The following SEMA3G variants were observed in gnomAD, a reference collection of about 807,000 sequenced individuals.
SEMA3G encodes the protein semaphorin-3G.
SEMA3G carries 70 observed loss-of-function variants against 86.2 expected under a neutral mutation model. The observed-to-expected ratio is 0.81, with a 90% confidence interval of 0.67 to 0.99. The LOEUF is 0.99. Among genes scored for constraint, SEMA3G ranks in the 50% least tolerant of loss-of-function variants. The pLI is 0.00. For synonymous variants in SEMA3G, 416 were observed against 441.4 expected (o/e 0.94, Z 0.72); for missense variants, 1,002 against 1,072.4 (o/e 0.93, Z 0.92).
Position 52,439,912 on chromosome 3 carries a change from C to A in SEMA3G, c.1330G>T (p.Val444Leu), listed in dbSNP as rs771940680. Residue 444 changes from valine (V) to leucine (L), a missense_variant, in exon 11 of 16, where the codon GTG becomes TTG. Coordinates refer to ENST00000231721, the MANE Select transcript of SEMA3G (RefSeq NM_020163.3). ...TCGTAGGTCCCATCCTCTGCCTCCA[C>A]GCGGTCCACCACGATCTGGTGTAGC... ...QQLHQIVVDRVEAEDGTYDVI... is the reference protein window; with the variant it reads ...QQLHQIVVDRLEAEDGTYDVI... The A allele has an allele frequency of 6.2e-7, 1 of 1,613,826 alleles. No individual in the cohort carries two copies. The highest frequency in any genetic ancestry group is 8.5e-7 in the Non-Finnish European group (1 of 1,180,006).
rs1397940729 is a variant in SEMA3G at position 52,439,943 on chromosome 3, G to T, written c.1299C>A (p.Ala433=). 1 of 1,613,876 alleles carries T rather than the reference G, an allele frequency of 6.2e-7. No homozygotes were observed. Among genetic ancestry groups the T allele is most frequent in the East Asian group, 2.2e-5 (1 of 44,882 alleles). ...CCACCACGATCTGGTGTAGCTGCTG[G>T]GCCAGGTGGGTCTTGACAAGGACAG... is the stretch of plus-strand genomic sequence containing the variant. The part of the protein sequence containing the change: ...GRPVLVKTHL[A]QQLHQIVVDR... The change falls in exon 11 of 16, where the codon GCC becomes GCA. Residue 433 remains alanine, a synonymous_variant. Transcript: ENST00000231721.
chr3:52,444,508 A>G (rs567170969), intron 1 of SEMA3G, among the ~76,000 whole-genome samples: 86 of 150,710 alleles, frequency 5.7e-4, no homozygotes, highest in African/African-American at 2.0e-3. Context: ...AACATGGCAC[A>G]CGCACACAAA....
In SEMA3G at chr3:52,435,925, G is replaced by A. The variant is rs149805640; in HGVS notation, c.2027C>T (p.Ala676Val). ...AGGGAACAGGTTGTCCAGCTGTGAG[G>A]CCACAATCACCACCAGAGCCAGGCG... The part of the protein sequence containing the change: ...VVRLALVVIV[A>V]SQLDNLFPPE... Residue 676 changes from alanine to valine, a missense_variant, in exon 16 of 16, where the codon GCC becomes GTC. Ala to Val is a moderately conservative substitution (Grantham distance 64). Transcript: ENST00000231721. 7 of 1,613,858 alleles carry A rather than the reference G, an allele frequency of 4.3e-6. No homozygotes were observed. The Admixed American group carries it at 1.0e-4, about 23-fold the overall frequency.
At chr3:52,444,848 C>T in intron 1 of SEMA3G, 65 bp downstream of exon 1, 1 of 1,211,652 alleles carries the variant, frequency 8.3e-7, no homozygotes, top group Non-Finnish European at 1.1e-6. Flanking sequence ...GCACATGCAC[C>T]CAAACAGAGC....
intron 12 of SEMA3G, 56 bp from the exon 13 acceptor site, chr3:52,439,017 A>AC: frequency 1.3e-6 from 2 of 1,579,332 alleles, no homozygotes; most frequent in Non-Finnish European, 8.6e-7. Flanking sequence ...CTGCCCCTGC[A>AC]CCCCTGCTTT....
rs1478569276 is a variant in SEMA3G, at chr3:52,442,156, G to C, written c.459+29C>G. 2 of 1,603,800 alleles carry C rather than the reference G, an allele frequency of 1.2e-6. No individual in the cohort carries two copies. Among genetic ancestry groups the C allele is most frequent in the South Asian group, 2.2e-5 (2 of 90,222 alleles). On this transcript the variant is annotated intron_variant, in intron 4 of 15. Coordinates refer to ENST00000231721, the MANE Select transcript of SEMA3G (RefSeq NM_020163.3). This position sits in a 1 kb window ranked among gnomAD's most constrained non-coding sequence, Gnocchi z 6.1. ...AGGGAGGAAATGTCACTGCCTCCCA[G>C]TCCCTTGTGGGGCCTGGCCCAGGCT...
chr3:52,440,317 A>G, intron 10 of SEMA3G, 60 bp downstream of exon 10: 2 of 1,491,218 alleles, frequency 1.3e-6, no homozygotes, highest in Non-Finnish European at 1.8e-6. Context: ...CACTCCAAGG[A>G]GCCCTTCCCC....
chr3:52,443,422 C>A (rs1031456790), intron 1 of SEMA3G, among the ~76,000 whole-genome samples: 4 of 152,156 alleles, frequency 2.6e-5, no homozygotes, highest in Non-Finnish European at 5.9e-5. Flanking sequence ...TCCAGGGATG[C>A]GGCCAAAGAC....
At position 52,440,825 on chromosome 3, in the gene SEMA3G, T is replaced by C. The variant is rs750727684; in HGVS notation, c.929-2A>G. 6.2e-7 allele frequency: 1 copy of C among 1,612,242 alleles called. No homozygotes were observed. The highest frequency in any genetic ancestry group is 1.7e-5 in the Admixed American group (1 of 59,996). On this transcript the variant is annotated splice_acceptor_variant, in intron 8 of 15. Coordinates refer to ENST00000231721, the MANE Select transcript of SEMA3G (RefSeq NM_020163.3). LOFTEE classifies it high-confidence loss of function. ...TGGGCCACAGCAGGAACACATCCTC[T>C]GGGGTAGAGAAAGGAGTATGAGTGT...
intron 1 of SEMA3G, among the ~76,000 whole-genome samples, chr3:52,444,667 C>G (rs1706227277): frequency 1.3e-5 from 2 of 149,466 alleles, no homozygotes; most frequent in Non-Finnish European, 3.0e-5. Flanking sequence ...CACACGCACA[C>G]AAACACGGCA....
At position 52,438,217 on chromosome 3, in the gene SEMA3G, C is replaced by T. The variant is rs751574032; in HGVS notation, c.1510-18G>A. ...AGCATTTGCTGGGGAGGGACAGAAG[C>T]AGAGCCTGAGGTGAGCCCAGGCTTC... On this transcript the variant is annotated intron_variant, in intron 13 of 15. Coordinates refer to ENST00000231721, the MANE Select transcript of SEMA3G (RefSeq NM_020163.3). 1 of 1,604,330 alleles carries T rather than the reference C, an allele frequency of 6.2e-7. No homozygotes were observed. The highest frequency in any genetic ancestry group is 2.2e-5 in the East Asian group (1 of 44,492).
At chr3:52,436,707 C>T (rs1706055216) in intron 15 of SEMA3G, among the ~76,000 whole-genome samples, 1 of 152,246 alleles carries the variant, frequency 6.6e-6, no homozygotes, top group African/African-American at 2.4e-5. Flanking sequence ...CCGCCTCTGG[C>T]CTGGACCCTG....
Position 52,442,006 on chromosome 3 carries a change from G to T in SEMA3G, c.460-97C>A, listed in dbSNP as rs140885132. On this transcript the variant is annotated intron_variant, in intron 4 of 15. Transcript: ENST00000231721. This position sits in a 1 kb window ranked among gnomAD's most constrained non-coding sequence, Gnocchi z 6.1. The stretch of plus-strand genomic sequence containing the variant: ...GAGCCCTCGCGTGCGGCCAGAGAGC[G>T]GGGGTGGGCGGAAGGCGTCCTCATC... 6.5e-5 allele frequency: 85 copies of T among 1,312,852 alleles called. No homozygotes were observed. Among genetic ancestry groups the T allele is most frequent in the Non-Finnish European group, 8.6e-5 (82 of 949,930 alleles). 81.3% of individuals were successfully genotyped at this position (1,312,852 alleles called of 1,614,324 possible).
chr3:52,440,402 T>C lies in SEMA3G; in HGVS notation c.1118A>G (p.Lys373Arg), dbSNP rs1307523772. ...PQHQWGPYGG[K>R]VPFPRPGVCP... ...CACGCCAGGGCGAGGGAAGGGCACC[T>C]TGCCCCCATAGGGCCCCCACTGGTG... Residue 373 changes from lysine to arginine, a missense_variant, in exon 10 of 16, where the codon AAG becomes AGG. By Grantham distance (26) the Lys-to-Arg change is conservative (BLOSUM62 2). Transcript: ENST00000231721. The C allele has an allele frequency of 6.2e-7, 1 of 1,608,932 alleles. No individual in the cohort carries two copies.
chr3:52,439,021 C>G, intron 12 of SEMA3G, 60 bp from the exon 13 acceptor site: 2 of 1,571,176 alleles, frequency 1.3e-6, no homozygotes, highest in Non-Finnish European at 1.7e-6. Context: ...CCCTGCACCC[C>G]TGCTTTCAGT....
rs1302356160 is a variant in SEMA3G at position 52,436,121 on chromosome 3, A to G, written c.1879-48T>C. ...TGAGTAGGGTGCAAGGTGGGAGTTTACCATCGGCTTCTCTGCCCCAGCTTT... is the reference window on the plus strand; with the variant it reads ...TGAGTAGGGTGCAAGGTGGGAGTTTGCCATCGGCTTCTCTGCCCCAGCTTT... On this transcript the variant is annotated intron_variant, in intron 15 of 15. Coordinates refer to ENST00000231721, the MANE Select transcript of SEMA3G (RefSeq NM_020163.3). The G allele has an allele frequency of 4.6e-6, 7 of 1,537,262 alleles. No homozygotes were observed. The Admixed American group carries it at 9.6e-5, about 21-fold the overall frequency.
Position 52,436,013 on chromosome 3 carries a change from G to A in SEMA3G, c.1939C>T (p.Arg647Cys), listed in dbSNP as rs755167126. The change falls in exon 16 of 16, where the codon CGT becomes TGT. Residue 647 changes from arginine to cysteine, a missense_variant. Arg to Cys is a radical substitution (Grantham distance 180). Coordinates refer to ENST00000231721, the MANE Select transcript of SEMA3G (RefSeq NM_020163.3). Reference sequence around the variant, plus strand: ...CAGGTGTAGGTGCCCGCATCGAAACGGCTAAGCCTGCGGAACAGCAGCCCC... The same window carrying A: ...CAGGTGTAGGTGCCCGCATCGAAACAGCTAAGCCTGCGGAACAGCAGCCCC... ...ERGLLFRRLS[R>C]FDAGTYTCTT... is the part of the protein sequence containing the mutation. The A allele has an allele frequency of 1.1e-5, 18 of 1,613,500 alleles. No homozygotes were observed. Among genetic ancestry groups the A allele is most frequent in the East Asian group, 8.9e-5 (4 of 44,888 alleles).
rs1706019880 is a variant in SEMA3G at position 52,435,033 on chromosome 3, G to A, written c.*570C>T. On this transcript the variant is annotated 3_prime_UTR_variant, in exon 16 of 16. Coordinates refer to ENST00000231721, the MANE Select transcript of SEMA3G (RefSeq NM_020163.3). Reference sequence around the variant, plus strand: ...AGAAGAGGCGGTGGGCAGTGGCAGGGAGCCACCAAGATATCACGGCGCGAC... The same window carrying A: ...AGAAGAGGCGGTGGGCAGTGGCAGGAAGCCACCAAGATATCACGGCGCGAC... 6.5e-6 allele frequency: 1 copy of A among 154,426 alleles called. No homozygotes were observed. The highest frequency in any genetic ancestry group is 2.0e-4 in the South Asian group (1 of 4,912). The allele number at this position is 154,426 out of a possible 1,614,324, so 9.6% of individuals were successfully genotyped here.
chr3:52,440,447 G>A lies in SEMA3G; in HGVS notation c.1073C>T (p.Ala358Val). ...CTGGTGCTGAGGCCCATCTCGGTGG[G>A]CAAAGGGCCCGTTGAAAACCTCCCA... ...DIWEVFNGPF[A>V]HRDGPQHQWG... The change falls in exon 10 of 16, where the codon GCC (alanine) becomes GTC (valine). Residue 358 changes from alanine (A) to valine (V), a missense_variant. Physicochemically the swap from Ala to Val is moderately conservative, Grantham distance 64. Transcript: ENST00000231721. 1 of 1,602,360 alleles carries A rather than the reference G, an allele frequency of 6.2e-7. No individual in the cohort carries two copies.
Sources: allele counts gnomAD v4.1 joint callset (sites outside exome capture counted in the v4.1 genomes callset), GRCh38; gene constraint gnomAD v4.1.1; non-coding constraint Gnocchi (gnomAD v3.1); transcripts MANE v1.5; gene names NCBI Gene and HGNC (gene_info 2026-07-23, HGNC 2026-07-21).